Variants in IAPP observed in about 807,000 individuals in gnomAD.
IAPP encodes Islet amyloid polypeptide (diabetes-associated peptide; amylin).
In IAPP, 4 loss-of-function variants were observed where a neutral mutation model predicts 2.9. That is an observed-to-expected ratio of 1.39 (90% CI 0.69 to 3.19). The LOEUF (loss-of-function observed/expected upper bound fraction) is 3.19. Ranked by LOEUF, IAPP falls within the 30% of genes most tolerant of loss-of-function variation. The pLI is 0.01. For missense variants in IAPP, 114 were observed against 105.3 expected, an observed-to-expected ratio of 1.08 and a Z score of -0.36; for synonymous variants, 40 against 42.1, an observed-to-expected ratio of 0.95 and a Z score of 0.19.
chr12:21,361,546 C>T lies in IAPP; in HGVS notation c.-16+6533C>T, dbSNP rs949886420. Among the ~76,000 whole-genome samples, 10 of 152,144 alleles carry T rather than the reference C, an allele frequency of 6.6e-5. No homozygotes were observed. In the East Asian group the frequency reaches 1.2e-3, roughly 18 times the overall value. On this transcript the variant is annotated intron_variant, in intron 1 of 2. Coordinates refer to the IAPP transcript ENST00000539393. ...AAAGCTGGACAGAGAATGACTTTGA[C>T]GAGTTGACAGAAGAAGGCTTCAGAA...
intron 2 of IAPP, among the ~76,000 whole-genome samples, chr12:21,376,633 T>G (rs188233161): frequency 6.6e-6 from 1 of 152,042 alleles, no homozygotes; most frequent in East Asian, 1.9e-4. Flanking sequence ...AAGTTTTCTG[T>G]ACTTAGGAAG....
chr12:21,376,226 C>A, intron 2 of IAPP: 1 of 167,536 alleles, frequency 6.0e-6, no homozygotes, highest in Non-Finnish European at 1.3e-5. Flanking sequence ...GTATTTCACA[C>A]TGTGCTTCAG....
At chr12:21,357,435 T>C (rs1938460276) in intron 1 of IAPP, among the ~76,000 whole-genome samples, 1 of 152,250 alleles carries the variant, frequency 6.6e-6, no homozygotes, top group South Asian at 2.1e-4. Context: ...CCAACCCTGC[T>C]GACACCTAAT....
chr12:21,355,050 A>G (rs914073572), intron 1 of IAPP: 3 of 152,194 alleles, frequency 2.0e-5, no homozygotes, highest in Non-Finnish European at 4.4e-5. Context: ...GTTCAAAAAT[A>G]CACTAAATCA....
chr12:21,367,583 C>A (rs1462218430), intron 1 of IAPP, among the ~76,000 whole-genome samples: 1 of 151,540 alleles, frequency 6.6e-6, no homozygotes, highest in Non-Finnish European at 1.5e-5. Context: ...TAAAACTGAA[C>A]AATCGAAAAA....
In IAPP at chr12:21,379,559, C is replaced by A. The variant is rs1940454132; in HGVS notation, c.*1133C>A. 1 of 152,124 alleles carries A rather than the reference C, an allele frequency of 6.6e-6. No homozygotes were observed. Among genetic ancestry groups the A allele is most frequent in the South Asian group, 2.1e-4 (1 of 4,830 alleles). 9.4% of individuals were successfully genotyped at this position (152,124 alleles called of 1,614,324 possible). ...TCTGGCAGAGGTTATGTATATGATA[C>A]ACTTTTTTTGATAGCAGCTGCAATG... On this transcript the variant is annotated 3_prime_UTR_variant, in exon 3 of 3. Coordinates refer to ENST00000240652, the MANE Select transcript of IAPP (RefSeq NM_000415.3).
intron 1 of IAPP, among the ~76,000 whole-genome samples, chr12:21,367,717 A>T (rs1224590655): frequency 6.6e-6 from 1 of 152,110 alleles, no homozygotes; most frequent in Non-Finnish European, 1.5e-5. Context: ...ATTCATCAGA[A>T]ATTAATAAAG....
chr12:21,358,763 A>G (rs1361082361), intron 1 of IAPP, among the ~76,000 whole-genome samples: 2 of 152,160 alleles, frequency 1.3e-5, no homozygotes, highest in African/African-American at 4.8e-5. Context: ...ATACTTTTAA[A>G]ATATAAAGAT....
upstream of IAPP, among the ~76,000 whole-genome samples, chr12:21,371,950 C>T (rs1472788861): frequency 6.6e-6 from 1 of 150,628 alleles, no homozygotes; most frequent in African/African-American, 2.4e-5. Context: ...TACAGTGAGC[C>T]GAGATCGCAC....
chr12:21,355,045 A>G (rs1938252650), intron 1 of IAPP: 1 of 152,202 alleles, frequency 6.6e-6, no homozygotes, highest in Non-Finnish European at 1.5e-5. Flanking sequence ...CATATGTTCA[A>G]AAATACACTA....
chr12:21,363,154 T>A (rs1939070509), intron 1 of IAPP, among the ~76,000 whole-genome samples: 1 of 152,120 alleles, frequency 6.6e-6, no homozygotes, highest in African/African-American at 2.4e-5. Context: ...AGTAAAGCAC[T>A]CCTCAGCAAA....
At chr12:21,377,315 G>T (rs1484516455) in intron 2 of IAPP, among the ~76,000 whole-genome samples, 1 of 152,130 alleles carries the variant, frequency 6.6e-6, no homozygotes, top group Non-Finnish European at 1.5e-5. Context: ...ACAGGTGATA[G>T]ATTTGATTCT....
intron 1 of IAPP, among the ~76,000 whole-genome samples, chr12:21,366,600 G>A (rs996679790): frequency 1.3e-5 from 2 of 151,824 alleles, no homozygotes; most frequent in African/African-American, 4.8e-5. Context: ...TTTAACAAAA[G>A]GGATCTGAAG....
At chr12:21,361,729 C>A (rs1332320827) in intron 1 of IAPP, among the ~76,000 whole-genome samples, 4 of 152,102 alleles carry the variant, frequency 2.6e-5, no homozygotes, top group Non-Finnish European at 5.9e-5. Context: ...AATCATGGCA[C>A]AAGGACTACG....
chr12:21,360,224 T>C (rs546329553), intron 1 of IAPP, among the ~76,000 whole-genome samples: 15 of 152,212 alleles, frequency 9.9e-5, no homozygotes, highest in Non-Finnish European at 1.6e-4. Context: ...AAATGTCTGT[T>C]ACATTGATTG....
At chr12:21,357,174 C>T (rs1372935485) in intron 1 of IAPP, among the ~76,000 whole-genome samples, 1 of 152,074 alleles carries the variant, frequency 6.6e-6, no homozygotes, top group Non-Finnish European at 1.5e-5. Context: ...AGAATGAAAC[C>T]ACATTTGTAA....
chr12:21,375,543 A>G (rs1463525907), intron 2 of IAPP, among the ~76,000 whole-genome samples: 3 of 152,210 alleles, frequency 2.0e-5, no homozygotes, highest in South Asian at 2.1e-4. Context: ...AGGATCACAT[A>G]CTTTCCCACC....
chr12:21,357,438 C>T (rs1938461076), intron 1 of IAPP, among the ~76,000 whole-genome samples: 1 of 152,188 alleles, frequency 6.6e-6, no homozygotes, highest in African/African-American at 2.4e-5. Context: ...ACCCTGCTGA[C>T]ACCTAATCTT....
At chr12:21,360,064 T>C (rs1938706176) in intron 1 of IAPP, among the ~76,000 whole-genome samples, 1 of 151,744 alleles carries the variant, frequency 6.6e-6, no homozygotes, top group African/African-American at 2.4e-5. Context: ...CTATCTCATC[T>C]GTATAGAATT....
Sources: allele counts gnomAD v4.1 joint callset (sites outside exome capture counted in the v4.1 genomes callset), GRCh38; gene constraint gnomAD v4.1.1; transcripts MANE v1.5; gene names NCBI Gene and HGNC (gene_info 2026-07-23, HGNC 2026-07-21).